The following CACNA1B variants were observed in gnomAD, a reference collection of about 807,000 sequenced individuals.
The protein encoded by CACNA1B is calcium voltage-gated channel subunit alpha1 B.
Under a neutral mutation model 247.2 loss-of-function variants are expected in CACNA1B, and 70 were observed. The observed-to-expected ratio is 0.28, with a 90% CI of 0.23 to 0.35. CACNA1B has a LOEUF of 0.35. CACNA1B is among the 10% of genes least tolerant of loss of function. The probability of loss-of-function intolerance (pLI) is 1.00; values close to 1 mark genes in which losing one functional copy is unlikely to be tolerated. For synonymous variants in CACNA1B, 1,231 were observed against 1,294.4 expected (o/e 0.95, Z 1.05); for missense variants, 2,367 against 3,197.4 (o/e 0.74, Z 6.26).
At chr9:137,960,161 A>ACGCC (rs1957996010) in intron 10 of CACNA1B, among the ~76,000 whole-genome samples, 1 of 99,644 alleles carries the variant, frequency 1.0e-5, no homozygotes, top group Non-Finnish European at 2.1e-5. Context: ...TGGCCTGAGG[A>ACGCC]ACGTGTGTGG....
At chr9:137,979,713 CA>C (rs1958271771) in intron 12 of CACNA1B, among the ~76,000 whole-genome samples, 1 of 152,192 alleles carries the variant, frequency 6.6e-6, no homozygotes, top group Admixed American at 6.5e-5. Context: ...AGTATCAGCT[CA>C]AAATCCAGAA....
chr9:138,012,584 C>T lies in CACNA1B; in HGVS notation c.2161-545C>T, dbSNP rs561194269. ...AAAAATTTAGCCAGTCGTGATGACA[C>T]GTGCTTGGAGTCCCAGCTGCATGGG... On this transcript the variant is annotated intron_variant, in intron 17 of 46. Coordinates refer to ENST00000371372, the MANE Select transcript of CACNA1B (RefSeq NM_000718.4). This position sits in a 1 kb window ranked among gnomAD's most constrained non-coding sequence, Gnocchi z 4.2. Among the ~76,000 whole-genome samples the T allele has an allele frequency of 1.1e-4, 17 of 151,998 alleles. No individual in the cohort carries two copies. The highest frequency in any genetic ancestry group is 2.1e-4 in the South Asian group (1 of 4,804).
At position 137,882,699 on chromosome 9, in the gene CACNA1B, A is replaced by G; in HGVS notation, c.391-45A>G. 1 of 1,611,246 alleles carries G rather than the reference A, an allele frequency of 6.2e-7. No individual in the cohort carries two copies. Among genetic ancestry groups the G allele is most frequent in the Non-Finnish European group, 8.5e-7 (1 of 1,177,816 alleles). On this transcript the variant is annotated intron_variant, in intron 2 of 46. Coordinates refer to ENST00000371372, the MANE Select transcript of CACNA1B (RefSeq NM_000718.4). This position sits in a 1 kb window ranked among gnomAD's most constrained non-coding sequence, Gnocchi z 4.0. ...ACCAACCGTCTCTGCCCGCTACTAC[A>G]CCGGGTAGGGGCCAGGGGTGACCAC... is the stretch of plus-strand genomic sequence containing the variant.
At chr9:137,996,704 C>T (rs1401452269) in intron 15 of CACNA1B, among the ~76,000 whole-genome samples, 1 of 152,028 alleles carries the variant, frequency 6.6e-6, no homozygotes, top group Non-Finnish European at 1.5e-5. Flanking sequence ...GCTCAAGTTA[C>T]CAAGTTCAGA....
At position 137,954,201 on chromosome 9, in the gene CACNA1B, C is replaced by T. The variant is rs973864040; in HGVS notation, c.1071-1497C>T. Among the ~76,000 whole-genome samples the T allele has an allele frequency of 6.6e-6, 1 of 152,222 alleles. No individual in the cohort carries two copies. The highest frequency in any genetic ancestry group is 2.4e-5 in the African/African-American group (1 of 41,456). ...CCCCCAAGCCAGGGGCTGGCACCCC[C>T]CATGTGGGTCCTGCACCCCGGGGTG... is the stretch of plus-strand genomic sequence containing the variant. On this transcript the variant is annotated intron_variant, in intron 7 of 46. Transcript: ENST00000371372. This position sits in a 1 kb window ranked among gnomAD's most constrained non-coding sequence, Gnocchi z 4.1.
chr9:138,118,057 C>A lies in CACNA1B; in HGVS notation c.5889C>A (p.Ile1963=). The change falls in exon 43 of 47, where the codon ATC becomes ATA. Residue 1963 remains isoleucine, a synonymous_variant. Coordinates refer to ENST00000371372, the MANE Select transcript of CACNA1B (RefSeq NM_000718.4). ...PPLERGHSTE[I]PVGRSGALAV... ...TGGAGCGTGGCCACTCCACAGAGAT[C>A]CCTGTGGGGCGGTCAGGAGCACTGG... The A allele has an allele frequency of 6.3e-7, 1 of 1,588,382 alleles. No individual in the cohort carries two copies. The highest frequency in any genetic ancestry group is 8.6e-7 in the Non-Finnish European group (1 of 1,166,946).
intron 38 of CACNA1B, among the ~76,000 whole-genome samples, chr9:138,104,384 C>G (rs1317730882): frequency 6.6e-6 from 1 of 152,168 alleles, no homozygotes. Context: ...CCCAACGCCC[C>G]CCAACGCCTG....
chr9:138,074,318 G>A (rs1046645343), intron 34 of CACNA1B, among the ~76,000 whole-genome samples: 3 of 150,966 alleles, frequency 2.0e-5, no homozygotes, highest in African/African-American at 4.9e-5. Context: ...TTGGCTCACT[G>A]CAACCTCTGC....
chr9:138,020,331 CAG>C lies in CACNA1B; in HGVS notation c.2268-2679_2268-2678del, dbSNP rs1446267675. ...GTGCCTACCAGCTGAGGCCAGGACACAGGGGTGCCAGTCGTCCATGTGACTTC... is the reference window on the plus strand; with the variant it reads ...GTGCCTACCAGCTGAGGCCAGGACACGGGTGCCAGTCGTCCATGTGACTTC... On this transcript the variant is annotated intron_variant, in intron 18 of 46. Coordinates refer to ENST00000371372, the MANE Select transcript of CACNA1B (RefSeq NM_000718.4). This position sits in a 1 kb window ranked among gnomAD's most constrained non-coding sequence, Gnocchi z 4.1. Among the ~76,000 whole-genome samples, 4 of 152,182 alleles carry C rather than the reference CAG, an allele frequency of 2.6e-5. No individual in the cohort carries two copies. Among genetic ancestry groups the C allele is most frequent in the Admixed American group, 6.5e-5 (1 of 15,278 alleles).
rs930798917 is a variant in CACNA1B, at chr9:137,949,329, C to A, written c.967-2945C>A. Among the ~76,000 whole-genome samples the A allele has an allele frequency of 1.9e-3, 3 of 1,570 alleles. No homozygotes were observed. In the East Asian group the frequency reaches 0.045, roughly 24 times the overall value. The allele number at this position is 1,570 out of a possible 152,430, so 1.0% of individuals were successfully genotyped here. Reference sequence around the variant, plus strand: ...GTGTGTGTGGTGTACGTATGGTGTGCGTGTAGGTGTGTAGTGTGTGTGTGT... The same window carrying A: ...GTGTGTGTGGTGTACGTATGGTGTGAGTGTAGGTGTGTAGTGTGTGTGTGT... On this transcript the variant is annotated intron_variant, in intron 6 of 46. Coordinates refer to ENST00000371372, the MANE Select transcript of CACNA1B (RefSeq NM_000718.4).
chr9:137,987,235 T>C (rs1216297984), intron 15 of CACNA1B, among the ~76,000 whole-genome samples: 1 of 152,052 alleles, frequency 6.6e-6, no homozygotes, highest in African/African-American at 2.4e-5. Flanking sequence ...CCCCCTCCTA[T>C]CTCAGATCCC....
At chr9:137,959,594 A>G (rs1480819397) in intron 10 of CACNA1B, among the ~76,000 whole-genome samples, 1 of 152,130 alleles carries the variant, frequency 6.6e-6, no homozygotes, top group Non-Finnish European at 1.5e-5. Flanking sequence ...GAAAAAAAAA[A>G]AGGATTTGGA....
At chr9:137,923,424 C>A in intron 6 of CACNA1B, among the ~76,000 whole-genome samples, 1 of 148,008 alleles carries the variant, frequency 6.8e-6, no homozygotes, top group African/African-American at 2.5e-5. Flanking sequence ...TCCATGGCTC[C>A]AGGTGGTATT....
chr9:138,000,789 G>A (rs7023346), intron 15 of CACNA1B, among the ~76,000 whole-genome samples: 43,281 of 152,080 alleles, frequency 0.28, 8,684 homozygotes, highest in East Asian at 0.64. Flanking sequence ...GTACGCTAAT[G>A]TCTCCCCAGT....
chr9:138,071,040 G>A (rs988520041), intron 32 of CACNA1B, among the ~76,000 whole-genome samples: 2 of 152,264 alleles, frequency 1.3e-5, no homozygotes, highest in Admixed American at 1.3e-4. Context: ...TGGATACAGG[G>A]GATGCTGGTC....
rs562421137 is a variant in CACNA1B at position 138,014,803 on chromosome 9, G to A, written c.2267+1568G>A. 2.0e-5 allele frequency among the ~76,000 whole-genome samples: 3 copies of A among 152,164 alleles called. No individual in the cohort carries two copies. The highest frequency in any genetic ancestry group is 3.9e-4 in the East Asian group (2 of 5,150). On this transcript the variant is annotated intron_variant, in intron 18 of 46. Coordinates refer to ENST00000371372, the MANE Select transcript of CACNA1B (RefSeq NM_000718.4). This position sits in a 1 kb window ranked among gnomAD's most constrained non-coding sequence, Gnocchi z 6.2. ...GCCCTGCCTCCTCCTGGGGGTATGG[G>A]AGGGTGTCCACTCCCATCTGGCCTG...
Position 137,880,486 on chromosome 9 carries a change from CAG to C in CACNA1B, c.390+1330_390+1331del, listed in dbSNP as rs1306196534. Among the ~76,000 whole-genome samples the C allele has an allele frequency of 6.6e-6, 1 of 151,516 alleles. No homozygotes were observed. Among genetic ancestry groups the C allele is most frequent in the Non-Finnish European group, 1.5e-5 (1 of 67,836 alleles). ...ACAGGAAGGAGGGCAGGGCCAGGGT[CAG>C]AGGGACGCAGGCCCAGGAGCCAGGC... On this transcript the variant is annotated intron_variant, in intron 2 of 46. Transcript: ENST00000371372. This position sits in a 1 kb window ranked among gnomAD's most constrained non-coding sequence, Gnocchi z 4.8.
At position 138,006,847 on chromosome 9, in the gene CACNA1B, G is replaced by T. The variant is rs201000167; in HGVS notation, c.2055G>T (p.Ser685=). 35 of 1,606,844 alleles carry T rather than the reference G, an allele frequency of 2.2e-5. 1 individual carries two copies. The highest frequency in any genetic ancestry group is 2.8e-5 in the Non-Finnish European group (33 of 1,173,660). The change falls in exon 16 of 47, where the codon TCG becomes TCT. Residue 685 remains serine (S), a synonymous_variant. Coordinates refer to ENST00000371372, the MANE Select transcript of CACNA1B (RefSeq NM_000718.4). Reference sequence around the variant, plus strand: ...GCGGCGTCAGCAAAGGCATGTTCTCGTCCTTTTACTTCATTGTCCTGACAC... The same window carrying T: ...GCGGCGTCAGCAAAGGCATGTTCTCTTCCTTTTACTTCATTGTCCTGACAC... The part of the protein sequence containing the change: ...SQGGVSKGMF[S]SFYFIVLTLF...
chr9:137,942,268 A>C (rs2133320618), intron 6 of CACNA1B, among the ~76,000 whole-genome samples: 1 of 152,360 alleles, frequency 6.6e-6, no homozygotes, highest in South Asian at 2.1e-4. Context: ...TCAAAACTAC[A>C]ATGTGATACC....
Sources: gnomAD v4.1 joint callset for allele counts (sites outside exome capture counted in the v4.1 genomes callset) on GRCh38, gnomAD v4.1.1 for gene constraint, Gnocchi (gnomAD v3.1) non-coding constraint, MANE v1.5 for transcripts, NCBI Gene and HGNC (gene_info 2026-07-23, HGNC 2026-07-21) for gene names.